Variants in GALNT9 observed in about 807,000 individuals in gnomAD.
GALNT9 encodes the protein polypeptide N-acetylgalactosaminyltransferase 9.
Under a neutral mutation model 63.1 loss-of-function variants are expected in GALNT9, and 47 were observed. The ratio of observed to expected loss-of-function variants is 0.75; its 90% CI spans 0.59 to 0.95. The LOEUF is 0.95. Ranked by LOEUF, GALNT9 falls within the 40% of genes least tolerant of loss-of-function variation. The probability of loss-of-function intolerance (pLI) is 0.00; values close to 1 mark genes in which losing one functional copy is unlikely to be tolerated. For missense variants in GALNT9, 829 were observed against 874.8 expected (o/e 0.95, Z 0.66); for synonymous variants, 396 against 365.7 (o/e 1.08, Z -0.94).
chr12:132,305,644 C>T (rs1005582133), intron 1 of GALNT9, among the ~76,000 whole-genome samples: 4 of 152,048 alleles, frequency 2.6e-5, no homozygotes, highest in African/African-American at 7.3e-5. Context: ...CACCCGGACA[C>T]GCCCTCGCCC....
chr12:132,293,903 A>T (rs1880954555), intron 1 of GALNT9, among the ~76,000 whole-genome samples: 1 of 152,122 alleles, frequency 6.6e-6, no homozygotes, highest in South Asian at 2.1e-4. Flanking sequence ...GGCCAGAAGG[A>T]GAAGCCAGGG....
intron 6 of GALNT9, among the ~76,000 whole-genome samples, chr12:132,204,149 T>G (rs1876459219): frequency 8.4e-6 from 1 of 119,614 alleles, no homozygotes; most frequent in African/African-American, 3.0e-5. Flanking sequence ...ACACACACAA[T>G]CAAAAGCCCA....
intron 6 of GALNT9, among the ~76,000 whole-genome samples, chr12:132,217,254 C>A (rs1325592064): frequency 4.7e-5 from 7 of 150,132 alleles, no homozygotes; most frequent in Non-Finnish European, 7.4e-5. Flanking sequence ...CCCACCCACC[C>A]ATCCATCCAT....
At chr12:132,283,651 C>G (rs575552609) in intron 2 of GALNT9, 1 of 152,396 alleles carries the variant, frequency 6.6e-6, no homozygotes, top group South Asian at 2.1e-4. Context: ...ACGAGACCAG[C>G]CCAGTGAGGA....
At chr12:132,251,447 T>C (rs1361718122) in intron 5 of GALNT9, among the ~76,000 whole-genome samples, 2 of 152,198 alleles carry the variant, frequency 1.3e-5, no homozygotes, top group African/African-American at 2.4e-5. Context: ...GGGGAGCGGC[T>C]GCTCTCGTTT....
At position 132,263,098 on chromosome 12, in the gene GALNT9, C is replaced by T. The variant is rs78928511; in HGVS notation, c.420-473G>A. ...ACCCCAGCCATCAGCTTCAGGAGCA[C>T]GTTGGGGACGGCGCTGCTGGGCACA... On this transcript the variant is annotated intron_variant, in intron 2 of 10. Transcript: ENST00000328957. 9.4e-3 allele frequency among the ~76,000 whole-genome samples: 1,431 copies of T among 152,154 alleles called. 20 individuals are homozygous for T. The highest frequency in any genetic ancestry group is 0.033 in the African/African-American group (1,378 of 41,502).
intron 1 of GALNT9, among the ~76,000 whole-genome samples, chr12:132,305,043 A>G (rs1198467152): frequency 1.3e-4 from 6 of 47,840 alleles, no homozygotes; most frequent in Admixed American, 5.2e-4. Flanking sequence ...ACACACCCTC[A>G]CCCGGGCACA....
intron 1 of GALNT9, among the ~76,000 whole-genome samples, chr12:132,301,939 A>G (rs139352499): frequency 3.6e-3 from 546 of 152,330 alleles, no homozygotes; most frequent in Non-Finnish European, 6.2e-3. Context: ...CCTTCCAACC[A>G]CTAGGTAACA....
chr12:132,241,524 C>T (rs1390158529), intron 6 of GALNT9, among the ~76,000 whole-genome samples: 6 of 122,790 alleles, frequency 4.9e-5, no homozygotes, highest in Non-Finnish European at 8.8e-5. Flanking sequence ...ACACACACGC[C>T]ACACCCCCTT....
rs572973991 is a variant in GALNT9, at chr12:132,263,709, C to T, written c.420-1084G>A. On this transcript the variant is annotated intron_variant, in intron 2 of 10. Transcript: ENST00000328957. ...CTATACCAAGAACCCAGGCTGTGCCCGGCACACAGCAGGTACTTTATAAAC... is the reference window on the plus strand; with the variant it reads ...CTATACCAAGAACCCAGGCTGTGCCTGGCACACAGCAGGTACTTTATAAAC... Among the ~76,000 whole-genome samples the T allele has an allele frequency of 1.4e-4, 22 of 152,310 alleles. No individual in the cohort carries two copies. The East Asian group carries it at 2.7e-3, about 19-fold the overall frequency.
chr12:132,304,118 CGGGCACACCCTCTCCG>C (rs1881451127), intron 1 of GALNT9, among the ~76,000 whole-genome samples: 1 of 35,658 alleles, frequency 2.8e-5, no homozygotes, highest in African/African-American at 1.2e-4. Context: ...CAGCCTCACC[CGGGCACACCCTCTCCG>C]GGGCACACCC....
chr12:132,318,027 G>T (rs1373422435), intron 1 of GALNT9, among the ~76,000 whole-genome samples: 6 of 152,192 alleles, frequency 3.9e-5, no homozygotes, highest in Non-Finnish European at 7.3e-5. Context: ...GATCACTTGA[G>T]CTCAGGAGTT....
chr12:132,215,088 G>A lies in GALNT9; in HGVS notation c.1078-11398C>T, dbSNP rs117427524. ...CACGCTGTCCTGCCCGTTTAAGGGC[G>A]TTTGGGAGGAAACGCGACACAATCG... is the stretch of plus-strand genomic sequence containing the variant. On this transcript the variant is annotated intron_variant, in intron 6 of 10. Transcript: ENST00000328957. 5.7e-3 allele frequency among the ~76,000 whole-genome samples: 865 copies of A among 152,342 alleles called. 15 individuals are homozygous for A. In the East Asian group the frequency reaches 0.062, roughly 11 times the overall value.
rs2136894717 is a variant in GALNT9 at position 132,236,398 on chromosome 12, G to A, written c.1077+11512C>T. 1.1e-4 allele frequency among the ~76,000 whole-genome samples: 16 copies of A among 152,018 alleles called. No homozygotes were observed. The highest frequency in any genetic ancestry group is 1.8e-4 in the Non-Finnish European group (12 of 68,000). ...TGTCTCTGGAGGGGGCCTCGGAACC[G>A]GAGGGGAAGACCCCACAGCGTCTGC... On this transcript the variant is annotated intron_variant, in intron 6 of 10. Transcript: ENST00000328957. This position sits in a 1 kb window ranked among gnomAD's most constrained non-coding sequence, Gnocchi z 5.6.
intron 2 of GALNT9, chr12:132,273,286 CT>C (rs1879936621): frequency 6.6e-6 from 1 of 152,346 alleles, no homozygotes; most frequent in African/African-American, 2.4e-5. Flanking sequence ...CCATGCCCGG[CT>C]AATTTTTGTA....
At chr12:132,199,055 C>T (rs979817739) in intron 9 of GALNT9, 119 bp downstream of exon 9, 1 of 649,462 alleles carries the variant, frequency 1.5e-6, no homozygotes, top group African/African-American at 1.8e-5. Context: ...GGAATGCAGC[C>T]CTGGTGGCCT....
In GALNT9 at chr12:132,316,256, G is replaced by T. The variant is rs1868505223; in HGVS notation, c.238+12710C>A. On this transcript the variant is annotated intron_variant, in intron 1 of 10. Transcript: ENST00000328957. The surrounding 1 kb of genome is among the most constrained non-coding windows in gnomAD (Gnocchi z 4.3). Reference sequence around the variant, plus strand: ...CCTGCCCCGGGCCCCGACCTGCAAAGGGGGGTGCCATGATTCTCTACCATA... The same window carrying T: ...CCTGCCCCGGGCCCCGACCTGCAAATGGGGGTGCCATGATTCTCTACCATA... Among the ~76,000 whole-genome samples the T allele has an allele frequency of 6.6e-6, 1 of 152,094 alleles. No individual in the cohort carries two copies. The highest frequency in any genetic ancestry group is 1.9e-4 in the East Asian group (1 of 5,182).
rs1044670027 is a variant in GALNT9, at chr12:132,319,909, C to T, written c.238+9057G>A. Among the ~76,000 whole-genome samples, 9 of 152,224 alleles carry T rather than the reference C, an allele frequency of 5.9e-5. No homozygotes were observed. The highest frequency in any genetic ancestry group is 1.3e-4 in the Admixed American group (2 of 15,292). On this transcript the variant is annotated intron_variant, in intron 1 of 10. Transcript: ENST00000328957. This position sits in a 1 kb window ranked among gnomAD's most constrained non-coding sequence, Gnocchi z 5.2. ...GGTTCGGAGGCACTCACTGACCCCG[C>T]CATGCAGGCGGGCACACGAGGCAGG...
chr12:132,275,398 G>A (rs568646152), intron 2 of GALNT9: 1 of 152,492 alleles, frequency 6.6e-6, no homozygotes, highest in East Asian at 1.9e-4. Context: ...CAGGACGTGA[G>A]GCTGGAGTGG....
Sources: allele counts gnomAD v4.1 joint callset (sites outside exome capture counted in the v4.1 genomes callset), GRCh38; gene constraint gnomAD v4.1.1; non-coding constraint Gnocchi (gnomAD v3.1); transcripts MANE v1.5; gene names NCBI Gene and HGNC (gene_info 2026-07-23, HGNC 2026-07-21).